Variants in FYN observed in about 807,000 individuals in gnomAD.
FYN encodes the protein FYN proto-oncogene, Src family tyrosine kinase, also known as tyrosine-protein kinase Fyn.
In FYN, 10 loss-of-function variants were observed where a neutral mutation model predicts 70.2. The observed-to-expected ratio is 0.14, with a 90% CI of 0.09 to 0.24. FYN has a LOEUF of 0.24. Ranked by LOEUF, FYN falls within the 10% of genes least tolerant of loss-of-function variation. The pLI is 1.00. For missense variants in FYN, 319 were observed against 673.1 expected (o/e 0.47, Z 5.82); for synonymous variants, 236 against 248.6 (o/e 0.95, Z 0.48).
At chr6:111,815,023 A>C (rs940100882) in intron 2 of FYN, among the ~76,000 whole-genome samples, 1 of 152,226 alleles carries the variant, frequency 6.6e-6, no homozygotes, top group Non-Finnish European at 1.5e-5. Context: ...TTCCTAATAG[A>C]CTTCTTTGAA....
At chr6:111,744,989 C>T (rs963916895) in intron 3 of FYN, among the ~76,000 whole-genome samples, 2 of 152,108 alleles carry the variant, frequency 1.3e-5, no homozygotes, top group Non-Finnish European at 2.9e-5. Flanking sequence ...GAAAGTGGGA[C>T]TGGAATACTT....
At chr6:111,865,335 C>G (rs574986234) in intron 1 of FYN, among the ~76,000 whole-genome samples, 19 of 152,324 alleles carry the variant, frequency 1.2e-4, no homozygotes, top group African/African-American at 4.6e-4. Context: ...GCAGGCTGTT[C>G]TGGAAGCAGG....
chr6:111,781,986 T>C (rs1263477041), intron 2 of FYN, among the ~76,000 whole-genome samples: 2 of 152,210 alleles, frequency 1.3e-5, no homozygotes, highest in Non-Finnish European at 2.9e-5. Context: ...ACTTTCATAA[T>C]ATTAGGAAAT....
At chr6:111,746,393 T>C (rs1802219151) in intron 3 of FYN, among the ~76,000 whole-genome samples, 1 of 152,212 alleles carries the variant, frequency 6.6e-6, no homozygotes, top group Non-Finnish European at 1.5e-5. Flanking sequence ...TTTTCTCTGG[T>C]CTAGGGTTTC....
rs190753371 is a variant in FYN at position 111,847,627 on chromosome 6, A to G, written c.-122-998T>C. On this transcript the variant is annotated intron_variant, in intron 1 of 13. Transcript: ENST00000354650. ...CTGATCCACGATTTAAAACACCCCC[A>G]TGATAAGTTATTATTCCCATCAAAA... 1.9e-4 allele frequency among the ~76,000 whole-genome samples: 29 copies of G among 152,156 alleles called. No individual in the cohort carries two copies. In the East Asian group the frequency reaches 5.6e-3, roughly 29 times the overall value.
At chr6:111,809,172 T>C (rs1176140464) in intron 2 of FYN, among the ~76,000 whole-genome samples, 4 of 152,222 alleles carry the variant, frequency 2.6e-5, no homozygotes, top group Non-Finnish European at 5.9e-5. Context: ...AGTTAGGTTT[T>C]ACCTCCATCT....
At chr6:111,735,404 T>A (rs923793993) in intron 3 of FYN, among the ~76,000 whole-genome samples, 4 of 152,200 alleles carry the variant, frequency 2.6e-5, no homozygotes, top group Admixed American at 6.5e-5. Context: ...AGGTGCAATA[T>A]GCAAATGACC....
intron 3 of FYN, among the ~76,000 whole-genome samples, chr6:111,729,620 G>A (rs2128469773): frequency 6.6e-6 from 1 of 152,254 alleles, no homozygotes; most frequent in Middle Eastern, 3.4e-3. Context: ...TAGTTGTTTA[G>A]CATGAGGGCA....
chr6:111,734,140 G>A (rs1040018997), intron 3 of FYN, among the ~76,000 whole-genome samples: 3 of 152,096 alleles, frequency 2.0e-5, no homozygotes, highest in African/African-American at 7.2e-5. Context: ...GCTTCAACAA[G>A]GAGCCCTCCA....
chr6:111,788,712 A>C (rs1583445739), intron 2 of FYN, among the ~76,000 whole-genome samples: 1 of 152,338 alleles, frequency 6.6e-6, no homozygotes, highest in Non-Finnish European at 1.5e-5. Context: ...TTGTCTGAAA[A>C]ATTAGAGTTC....
At chr6:111,838,002 C>A (rs753469131) in intron 2 of FYN, among the ~76,000 whole-genome samples, 2 of 152,268 alleles carry the variant, frequency 1.3e-5, no homozygotes, top group South Asian at 2.1e-4. Flanking sequence ...TTAATGAACG[C>A]CCCTAGATCT....
At chr6:111,785,382 A>C (rs949478419) in intron 2 of FYN, among the ~76,000 whole-genome samples, 7 of 152,220 alleles carry the variant, frequency 4.6e-5, no homozygotes, top group African/African-American at 1.7e-4. Flanking sequence ...GCTGGCACTG[A>C]ATATGAAATG....
At chr6:111,765,761 A>G (rs75465867) in intron 3 of FYN, among the ~76,000 whole-genome samples, 10,157 of 143,778 alleles carry the variant, frequency 0.071, 900 homozygotes, top group African/African-American at 0.22. Context: ...ATAAGCAGAG[A>G]CTGACTAGAA....
rs1408775262 is a variant in FYN, at chr6:111,837,356, C to T, written c.-82+9233G>A. On this transcript the variant is annotated intron_variant, in intron 2 of 13. Transcript: ENST00000354650. ...TTGCTTTTTTTTTAAATTACATTTC[C>T]CCTACTCCTACTCTTTAGAATATTC... Among the ~76,000 whole-genome samples the T allele has an allele frequency of 2.0e-5, 3 of 151,942 alleles. No individual in the cohort carries two copies. The East Asian group carries it at 5.8e-4, about 29-fold the overall frequency.
intron 13 of FYN, among the ~76,000 whole-genome samples, chr6:111,666,574 A>G (rs924242732): frequency 4.6e-5 from 7 of 152,190 alleles, no homozygotes; most frequent in Admixed American, 4.6e-4. Flanking sequence ...CAATCCATAA[A>G]ACACCTCCAG....
At chr6:111,673,604 A>G (rs1798394010) in intron 13 of FYN, among the ~76,000 whole-genome samples, 2 of 133,558 alleles carry the variant, frequency 1.5e-5, no homozygotes, top group South Asian at 2.4e-4. Flanking sequence ...ATTAATCGTC[A>G]CTATCGTTTC....
At chr6:111,663,302 A>G (rs867829569) in intron 13 of FYN, among the ~76,000 whole-genome samples, 1 of 152,184 alleles carries the variant, frequency 6.6e-6, no homozygotes, top group South Asian at 2.1e-4. Flanking sequence ...AGGAGCACAC[A>G]CCATATGCAT....
intron 1 of FYN, among the ~76,000 whole-genome samples, chr6:111,869,720 A>G (rs1774215978): frequency 6.6e-6 from 1 of 152,232 alleles, no homozygotes; most frequent in Non-Finnish European, 1.5e-5. Flanking sequence ...GGACTCTCCT[A>G]GCAACTTTGG....
chr6:111,742,506 G>C (rs931458390), intron 3 of FYN, among the ~76,000 whole-genome samples: 2 of 152,168 alleles, frequency 1.3e-5, no homozygotes, highest in South Asian at 4.1e-4. Flanking sequence ...CAAAACCCCA[G>C]AGTAAAGATG....
Sources: gnomAD v4.1 joint callset for allele counts (sites outside exome capture counted in the v4.1 genomes callset) on GRCh38, gnomAD v4.1.1 for gene constraint, MANE v1.5 for transcripts, NCBI Gene and HGNC (gene_info 2026-07-23, HGNC 2026-07-21) for gene names.